Variants in SPAG6 observed in about 807,000 individuals in gnomAD.
The protein encoded by SPAG6 is sperm-associated antigen 6.
A neutral mutation model predicts 58.5 loss-of-function variants in SPAG6; 49 were observed. The ratio of observed to expected loss-of-function variants is 0.84; its 90% confidence interval spans 0.67 to 1.06. The LOEUF is 1.06. Among genes scored for constraint, SPAG6 ranks in the 50% least tolerant of loss-of-function variants. The pLI, the probability that SPAG6 is intolerant of heterozygous loss-of-function variation, is 0.00. For missense variants in SPAG6, 560 were observed against 611.3 expected (o/e 0.92, Z 0.89); for synonymous variants, 233 against 225.6 (o/e 1.03, Z -0.29).
rs530410335 is a variant in SPAG6, at chr10:22,408,908, G to A, written c.1315-2123G>A. 2.0e-3 allele frequency among the ~76,000 whole-genome samples: 307 copies of A among 152,202 alleles called. 5 individuals are homozygous for A. The highest frequency in any genetic ancestry group is 6.5e-3 in the African/African-American group (271 of 41,526). On this transcript the variant is annotated intron_variant, in intron 9 of 10. Transcript: ENST00000376624. ...GGAGTGACCCGATTTTCCAGGTGCC[G>A]TCTGTCACCCCTTTCTTTGACTAGG...
chr10:22,402,532 C>T (rs1353884274), intron 9 of SPAG6, among the ~76,000 whole-genome samples: 6 of 152,186 alleles, frequency 3.9e-5, no homozygotes, highest in Admixed American at 6.5e-5. Flanking sequence ...TATGACTGGC[C>T]GTCAAGTGCC....
Position 22,368,636 on chromosome 10 carries a change from G to T in SPAG6, c.430G>T (p.Ala144Ser), listed in dbSNP as rs764785747. The change falls in exon 4 of 11, where the codon GCT (alanine) becomes TCT (serine). Residue 144 changes from alanine to serine, a missense_variant. By Grantham distance (99) the Ala-to-Ser change is moderately conservative. Transcript: ENST00000376624. ...AGATTTTGACCCTGGAGTCAAGGAG[G>T]CTGCAGCCTGGGCACTTAGATATAT... The part of the protein sequence containing the change: ...LEDFDPGVKE[A>S]AAWALRYIAR... 1 of 1,613,874 alleles carries T rather than the reference G, an allele frequency of 6.2e-7. No homozygotes were observed. Among genetic ancestry groups the T allele is most frequent in the Non-Finnish European group, 8.5e-7 (1 of 1,179,902 alleles).
At chr10:22,416,075 T>C (rs1834858348) in intron 10 of SPAG6, among the ~76,000 whole-genome samples, 1 of 152,104 alleles carries the variant, frequency 6.6e-6, no homozygotes, top group Non-Finnish European at 1.5e-5. Context: ...TATTTGTAAA[T>C]AGTTTTTCAA....
At position 22,369,617 on chromosome 10, in the gene SPAG6, C is replaced by T. The variant is rs371183880; in HGVS notation, c.472+939C>T. Among the ~76,000 whole-genome samples the T allele has an allele frequency of 1.8e-4, 28 of 152,186 alleles. No individual in the cohort carries two copies. The East Asian group carries it at 3.7e-3, about 20-fold the overall frequency. Reference sequence around the variant, plus strand: ...CTACCATTTAGTTGCTGTGTGACCTCGGACATGGCTTATAAACCTTCTGAA... The same window carrying T: ...CTACCATTTAGTTGCTGTGTGACCTTGGACATGGCTTATAAACCTTCTGAA... On this transcript the variant is annotated intron_variant, in intron 4 of 10. Coordinates refer to ENST00000376624, the MANE Select transcript of SPAG6 (RefSeq NM_012443.4).
intron 4 of SPAG6, among the ~76,000 whole-genome samples, chr10:22,381,883 T>G (rs1006644817): frequency 1.3e-5 from 2 of 152,236 alleles, no homozygotes; most frequent in African/African-American, 4.8e-5. Flanking sequence ...CCTAAAGTCA[T>G]ACTGAGGTTT....
At chr10:22,412,665 G>A (rs946579706) in intron 10 of SPAG6, 26 of 499,038 alleles carry the variant, frequency 5.2e-5, no homozygotes, top group East Asian at 6.9e-5. Flanking sequence ...TCCGCCTCCC[G>A]GGTTCAAGCT....
intron 3 of SPAG6, among the ~76,000 whole-genome samples, chr10:22,366,224 G>A (rs548480848): frequency 5.4e-4 from 82 of 152,244 alleles, no homozygotes; most frequent in Non-Finnish European, 1.1e-3. Flanking sequence ...TGGATTATTA[G>A]TCATAAAAGG....
intron 2 of SPAG6, among the ~76,000 whole-genome samples, chr10:22,356,011 T>C (rs913852626): frequency 5.3e-5 from 8 of 152,216 alleles, no homozygotes; most frequent in African/African-American, 1.9e-4. Context: ...ATGATAAGTA[T>C]AATTAGACTT....
chr10:22,391,367 CA>C (rs1157713519), intron 7 of SPAG6, among the ~76,000 whole-genome samples: 1 of 152,096 alleles, frequency 6.6e-6, no homozygotes, highest in Non-Finnish European at 1.5e-5. Context: ...AACTTTTTAA[CA>C]AAGGAAAATA....
At chr10:22,356,701 C>A (rs1836878244) in intron 2 of SPAG6, among the ~76,000 whole-genome samples, 1 of 152,244 alleles carries the variant, frequency 6.6e-6, no homozygotes, top group South Asian at 2.1e-4. Context: ...ATCAGTTTGT[C>A]TTCTGAATAT....
At chr10:22,362,489 C>T (rs1837073327) in intron 2 of SPAG6, among the ~76,000 whole-genome samples, 1 of 151,682 alleles carries the variant, frequency 6.6e-6, no homozygotes, top group African/African-American at 2.4e-5. Flanking sequence ...GCCTGTAATT[C>T]CAGCACTGTG....
At chr10:22,359,957 G>T (rs1408563373) in intron 2 of SPAG6, among the ~76,000 whole-genome samples, 1 of 152,272 alleles carries the variant, frequency 6.6e-6, no homozygotes, top group East Asian at 1.9e-4. Context: ...GATGTAATAT[G>T]TATATAAATT....
intron 2 of SPAG6, among the ~76,000 whole-genome samples, chr10:22,362,422 A>C (rs1195841431): frequency 1.3e-5 from 2 of 151,878 alleles, no homozygotes; most frequent in African/African-American, 4.8e-5. Context: ...TATTTTAATT[A>C]AAATAGTGCA....
At chr10:22,414,711 G>A (rs773317903) in intron 10 of SPAG6, among the ~76,000 whole-genome samples, 5 of 152,092 alleles carry the variant, frequency 3.3e-5, no homozygotes, top group Non-Finnish European at 5.9e-5. Flanking sequence ...AGATATGTTT[G>A]GAACCACTTG....
chr10:22,355,756 G>T (rs1284885434), intron 2 of SPAG6, among the ~76,000 whole-genome samples: 3 of 152,112 alleles, frequency 2.0e-5, no homozygotes, highest in African/African-American at 7.2e-5. Flanking sequence ...TTAATCAAAT[G>T]CAGGAACAAT....
chr10:22,415,677 A>T (rs1834850908), intron 10 of SPAG6, among the ~76,000 whole-genome samples: 1 of 152,210 alleles, frequency 6.6e-6, no homozygotes, highest in Non-Finnish European at 1.5e-5. Context: ...AATATAAATT[A>T]TGAGTTTTTA....
intron 3 of SPAG6, among the ~76,000 whole-genome samples, chr10:22,368,007 T>C (rs984886628): frequency 1.3e-5 from 2 of 152,176 alleles, no homozygotes; most frequent in African/African-American, 4.8e-5. Flanking sequence ...TACTTCAGAA[T>C]AATTTAGGAC....
At chr10:22,415,430 G>A (rs1455092125) in intron 10 of SPAG6, among the ~76,000 whole-genome samples, 1 of 152,102 alleles carries the variant, frequency 6.6e-6, no homozygotes, top group East Asian at 1.9e-4. Context: ...CAGAGAAGAA[G>A]CAGTTGTGAA....
At chr10:22,365,041 T>C (rs1837158111) in intron 3 of SPAG6, 22 bp downstream of exon 3, 3 of 1,543,722 alleles carry the variant, frequency 1.9e-6, no homozygotes, top group East Asian at 2.3e-5. Context: ...AAAAAACTAG[T>C]TATATGTTTT....
Sources: allele counts gnomAD v4.1 joint callset (sites outside exome capture counted in the v4.1 genomes callset), GRCh38; gene constraint gnomAD v4.1.1; transcripts MANE v1.5; gene names NCBI Gene and HGNC (gene_info 2026-07-23, HGNC 2026-07-21).